Variants in LEKR1 observed in about 807,000 individuals in gnomAD.
LEKR1 encodes the protein protein LEKR1.
A neutral mutation model predicts 72.4 loss-of-function variants in LEKR1; 59 were observed. The observed-to-expected ratio is 0.82, with a 90% CI of 0.66 to 1.01. The LOEUF (loss-of-function observed/expected upper bound fraction) is 1.01. LEKR1 is among the 50% of genes least tolerant of loss of function. The pLI is 0.00. For missense variants in LEKR1, 728 were observed against 759.2 expected, an observed-to-expected ratio of 0.96 and a Z score of 0.48; for synonymous variants, 257 against 263.2, an observed-to-expected ratio of 0.98 and a Z score of 0.23.
chr3:156,971,413 T>G (rs1729177478), intron 6 of LEKR1, among the ~76,000 whole-genome samples: 1 of 152,064 alleles, frequency 6.6e-6, no homozygotes, highest in Non-Finnish European at 1.5e-5. Context: ...GCAATACAAT[T>G]CAGGACATAG....
At chr3:156,900,642 A>C in intron 3 of LEKR1, among the ~76,000 whole-genome samples, 1 of 152,240 alleles carries the variant, frequency 6.6e-6, no homozygotes, top group East Asian at 1.9e-4. Context: ...GAAAATATTT[A>C]GTGAAACACT....
intron 3 of LEKR1, among the ~76,000 whole-genome samples, chr3:156,897,869 C>T (rs1008603316): frequency 1.3e-5 from 2 of 151,296 alleles, no homozygotes; most frequent in African/African-American, 4.9e-5. Context: ...AGGAGAATTG[C>T]TTGAATCCGG....
chr3:156,981,978 C>CT (rs1730245581), intron 7 of LEKR1, among the ~76,000 whole-genome samples: 1 of 151,902 alleles, frequency 6.6e-6, no homozygotes, highest in African/African-American at 2.4e-5. Context: ...TAAGTTAATT[C>CT]TTTGTGTTGT....
At chr3:156,912,356 T>C (rs1402278215) in intron 3 of LEKR1, among the ~76,000 whole-genome samples, 3 of 151,880 alleles carry the variant, frequency 2.0e-5, no homozygotes, top group African/African-American at 4.8e-5. Context: ...CAGGAAGGAG[T>C]GTAGCTGCCT....
chr3:156,919,524 A>G (rs1230678508), intron 3 of LEKR1, among the ~76,000 whole-genome samples: 4 of 152,180 alleles, frequency 2.6e-5, no homozygotes, highest in Non-Finnish European at 5.9e-5. Flanking sequence ...TCTTTTTATC[A>G]GGAAATTTCT....
intron 2 of LEKR1, among the ~76,000 whole-genome samples, chr3:156,840,365 TGTTA>T (rs1560016232): frequency 6.6e-6 from 1 of 152,252 alleles, no homozygotes; most frequent in Non-Finnish European, 1.5e-5. Flanking sequence ...TTCTCTTCCC[TGTTA>T]GTTCACATCT....
intron 10 of LEKR1, among the ~76,000 whole-genome samples, chr3:157,011,861 T>A (rs999246240): frequency 6.6e-6 from 1 of 152,134 alleles, no homozygotes; most frequent in South Asian, 2.1e-4. Context: ...ACTTCTCTTC[T>A]TCTCCTATAA....
At chr3:156,991,534 C>A (rs188361767) in intron 7 of LEKR1, among the ~76,000 whole-genome samples, 2 of 151,914 alleles carry the variant, frequency 1.3e-5, no homozygotes, top group Admixed American at 6.6e-5. Flanking sequence ...TATGACTTAA[C>A]GAGTTAATGA....
At chr3:156,983,216 G>C (rs1730389002) in intron 7 of LEKR1, among the ~76,000 whole-genome samples, 1 of 152,132 alleles carries the variant, frequency 6.6e-6, no homozygotes, top group South Asian at 2.1e-4. Flanking sequence ...ATAGTAGAAA[G>C]GGTAAACTCT....
At chr3:156,995,363 T>G (rs1340541028) in intron 9 of LEKR1, among the ~76,000 whole-genome samples, 1 of 152,240 alleles carries the variant, frequency 6.6e-6, no homozygotes, top group Non-Finnish European at 1.5e-5. Context: ...CTATCAGCTT[T>G]CAGAGAATAG....
intron 10 of LEKR1, among the ~76,000 whole-genome samples, chr3:157,014,455 A>G (rs1346042072): frequency 6.6e-6 from 1 of 152,162 alleles, no homozygotes; most frequent in Non-Finnish European, 1.5e-5. Context: ...GGCAAAAAAG[A>G]AAATCTCAAA....
In LEKR1 at chr3:157,046,025, CT is replaced by C. The variant is rs2108051656; in HGVS notation, c.*279del. The stretch of plus-strand genomic sequence containing the variant: ...TTGGAATGTGCTCTATGAATATAGC[CT>C]TTTAGAGATCACAGGTAAAATTTTT... On this transcript the variant is annotated 3_prime_UTR_variant, in exon 13 of 13. Transcript: ENST00000356539. 1 of 322,640 alleles carries C rather than the reference CT, an allele frequency of 3.1e-6. No individual in the cohort carries two copies. Among genetic ancestry groups the C allele is most frequent in the East Asian group, 5.2e-5 (1 of 19,260 alleles). 20.0% of individuals were successfully genotyped at this position (322,640 alleles called of 1,614,324 possible).
At chr3:156,838,411 TC>T (rs1274223091) in intron 2 of LEKR1, among the ~76,000 whole-genome samples, 1 of 152,070 alleles carries the variant, frequency 6.6e-6, no homozygotes, top group Non-Finnish European at 1.5e-5. Flanking sequence ...CAGGAGTAAT[TC>T]TTCTGAACTA....
intron 12 of LEKR1, among the ~76,000 whole-genome samples, chr3:157,042,102 C>A (rs1735390877): frequency 6.6e-6 from 1 of 152,082 alleles, no homozygotes; most frequent in Non-Finnish European, 1.5e-5. Flanking sequence ...GAGTTATAAT[C>A]TCAATTTTAG....
chr3:157,030,183 A>G (rs1734500562), intron 12 of LEKR1, among the ~76,000 whole-genome samples: 1 of 152,064 alleles, frequency 6.6e-6, no homozygotes, highest in Admixed American at 6.6e-5. Context: ...AAACAACCAA[A>G]TCTCGCATGA....
intron 2 of LEKR1, among the ~76,000 whole-genome samples, chr3:156,848,994 A>G (rs915019652): frequency 4.6e-5 from 7 of 152,174 alleles, no homozygotes; most frequent in African/African-American, 1.7e-4. Flanking sequence ...ACATGATTGT[A>G]TATCTAGAAA....
intron 5 of LEKR1, among the ~76,000 whole-genome samples, chr3:156,928,284 A>T (rs764155539): frequency 1.3e-5 from 2 of 152,032 alleles, no homozygotes; most frequent in Non-Finnish European, 2.9e-5. Context: ...CCTAATGTAA[A>T]CTATAAATTT....
Position 156,942,614 on chromosome 3 carries a change from G to T in LEKR1, c.645G>T (p.Leu215Phe), listed in dbSNP as rs1474166752. Residue 215 changes from leucine to phenylalanine, a missense_variant, in exon 6 of 13, where the codon TTG becomes TTT. Transcript: ENST00000356539. ...AGGAAATGAAAAATCTGAAATTGTT[G>T]TCAGATGCAGCCATATTGAGATCTC... is the stretch of plus-strand genomic sequence containing the variant. ...LEKEMKNLKL[L>F]SDAAILRSQQ... The T allele has an allele frequency of 7.9e-7, 1 of 1,266,560 alleles. No homozygotes were observed. The highest frequency in any genetic ancestry group is 5.9e-5 in the East Asian group (1 of 16,970). The allele number at this position is 1,266,560 out of a possible 1,614,324, so 78.5% of individuals were successfully genotyped here.
At chr3:156,948,135 G>A (rs139539561) in intron 6 of LEKR1, among the ~76,000 whole-genome samples, 179 of 151,128 alleles carry the variant, frequency 1.2e-3, no homozygotes, top group Admixed American at 2.4e-3. Context: ...AATATTGTAA[G>A]TCTTTTCATT....
Sources: gnomAD v4.1 joint callset for allele counts (sites outside exome capture counted in the v4.1 genomes callset) on GRCh38, gnomAD v4.1.1 for gene constraint, MANE v1.5 for transcripts, NCBI Gene and HGNC (gene_info 2026-07-23, HGNC 2026-07-21) for gene names.